FARSB: variants seen among roughly 807,000 people sequenced by gnomAD.
FARSB encodes phenylalanine--tRNA ligase beta subunit.
In FARSB, 40 loss-of-function variants were observed where a neutral mutation model predicts 69.6. The ratio of observed to expected loss-of-function variants is 0.57; its 90% CI spans 0.45 to 0.75. FARSB has a LOEUF of 0.75. FARSB is among the 30% of genes least tolerant of loss of function. The pLI is 0.00. For missense variants in FARSB, 632 were observed against 722.9 expected, an observed-to-expected ratio of 0.87 and a Z score of 1.44; for synonymous variants, 235 against 247.2, an observed-to-expected ratio of 0.95 and a Z score of 0.46.
Position 222,613,877 on chromosome 2 carries a change from G to A in FARSB, c.1396C>T (p.Arg466Cys), listed in dbSNP as rs766030802. 1.2e-5 allele frequency: 20 copies of A among 1,613,800 alleles called. No individual in the cohort carries two copies. The highest frequency in any genetic ancestry group is 2.2e-5 in the East Asian group (1 of 44,874). The part of the protein sequence containing the change: ...PGLLKTIAAN[R>C]KMPLPLKLFE... Reference sequence around the variant, plus strand: ...AGTTTCAGTGGAAGGGGCATCTTACGATTTGCTGCTATGGTCTTCAGGAGG... The same window carrying A: ...AGTTTCAGTGGAAGGGGCATCTTACAATTTGCTGCTATGGTCTTCAGGAGG... Residue 466 changes from arginine (R) to cysteine (C), a missense_variant, in exon 15 of 17, where the codon CGT becomes TGT. Arg to Cys is a radical substitution (Grantham distance 180). Coordinates refer to ENST00000281828, the MANE Select transcript of FARSB (RefSeq NM_005687.5).
chr2:222,592,121 C>T (rs562919890), intron 16 of FARSB, among the ~76,000 whole-genome samples: 2 of 152,258 alleles, frequency 1.3e-5, no homozygotes, highest in Admixed American at 6.5e-5. Context: ...GAAAGAAACT[C>T]CCAAATGGCA....
rs192114874 is a variant in FARSB at position 222,652,374 on chromosome 2, C to T, written c.59-3579G>A. ...CAAGATGGGCTCCAATAATACCGGC[C>T]TCCTGGTATTCACACCCTTGTACTG... On this transcript the variant is annotated intron_variant, in intron 1 of 16. Transcript: ENST00000281828. 5.9e-4 allele frequency among the ~76,000 whole-genome samples: 90 copies of T among 152,292 alleles called. 1 individual carries two copies. The highest frequency in any genetic ancestry group is 1.8e-4 in the Non-Finnish European group (12 of 68,024).
At chr2:222,641,099 A>C (rs1331926291) in intron 3 of FARSB, among the ~76,000 whole-genome samples, 168 bp from the exon 4 acceptor site, 7 of 151,848 alleles carry the variant, frequency 4.6e-5, no homozygotes, top group Admixed American at 1.3e-4. Flanking sequence ...AAAAAAAAAA[A>C]CTAACAAACT....
At chr2:222,575,840 G>C (rs528924213) in intron 16 of FARSB, among the ~76,000 whole-genome samples, 92 of 152,228 alleles carry the variant, frequency 6.0e-4, no homozygotes, top group African/African-American at 1.5e-3. Flanking sequence ...GAGGACCTTG[G>C]GGGTAATTCC....
At position 222,624,716 on chromosome 2, in the gene FARSB, G is replaced by A. The variant is rs1691223244; in HGVS notation, c.960C>T (p.Ile320=). 6.3e-7 allele frequency: 1 copy of A among 1,599,478 alleles called. No homozygotes were observed. The highest frequency in any genetic ancestry group is 1.3e-5 in the African/African-American group (1 of 74,396). The part of the protein sequence containing the change: ...RADLINKKVG[I]RETPENLAKL... ...TAAGTGAAGTTTTCAGAGCATACCT[G>A]ATTCCAACTTTTTTGTTAATTAGGT... Residue 320 remains isoleucine, a splice_region_variant and synonymous_variant, in exon 11 of 17, where the codon ATC becomes ATT. Coordinates refer to ENST00000281828, the MANE Select transcript of FARSB (RefSeq NM_005687.5).
chr2:222,590,484 T>C (rs1690239551), intron 16 of FARSB, among the ~76,000 whole-genome samples: 2 of 144,384 alleles, frequency 1.4e-5, no homozygotes, highest in Non-Finnish European at 3.0e-5. Flanking sequence ...CTGCACATTG[T>C]GCATATGTAC....
At position 222,656,018 on chromosome 2, in the gene FARSB, T is replaced by A. The variant is rs936327417; in HGVS notation, c.56A>T (p.Tyr19Phe). The change falls in exon 1 of 17, where the codon TAC becomes TTC. Residue 19 changes from tyrosine (Y) to phenylalanine (F), a missense_variant and splice_region_variant. Tyr to Phe is a conservative substitution (Grantham distance 22). Coordinates refer to ENST00000281828, the MANE Select transcript of FARSB (RefSeq NM_005687.5). ...CAACGTATAGGGCCGCCACTCACTG[T>A]AGGTGCGGCCCAGGGCTTGGAAGAG... ...DLLFQALGRT[Y>F]TDEEFDELCF... 1 of 1,596,186 alleles carries A rather than the reference T, an allele frequency of 6.3e-7. No individual in the cohort carries two copies. Among genetic ancestry groups the A allele is most frequent in the African/African-American group, 1.3e-5 (1 of 74,118 alleles).
In FARSB at chr2:222,579,857, A is replaced by G. The variant is rs1013261520; in HGVS notation, c.1619-7835T>C. Among the ~76,000 whole-genome samples the G allele has an allele frequency of 3.9e-5, 6 of 152,350 alleles. No individual in the cohort carries two copies. In the South Asian group the frequency reaches 6.2e-4, roughly 16 times the overall value. ...CCAAGTTTACTCTGAGGAGATTTAC[A>G]CATTCCAAAATGCTTTCACAAATTC... On this transcript the variant is annotated intron_variant, in intron 16 of 16. Transcript: ENST00000281828.
In FARSB at chr2:222,624,337, C is replaced by T; in HGVS notation, c.1105G>A (p.Ala369Thr). ...ATGTTGTTATATCCATAAGCAATAG[C>T]TGCATCTTCTACAATATCACATGCA... Reference protein sequence around the residue: ...IHACDIVEDAAIAYGYNNIQM... With the variant: ...IHACDIVEDATIAYGYNNIQM... Residue 369 changes from alanine to threonine, a missense_variant, in exon 12 of 17, where the codon GCT becomes ACT. Physicochemically the swap from Ala to Thr is moderately conservative, Grantham distance 58. Transcript: ENST00000281828. 1.9e-6 allele frequency: 3 copies of T among 1,612,280 alleles called. No individual in the cohort carries two copies. Among genetic ancestry groups the T allele is most frequent in the Non-Finnish European group, 2.5e-6 (3 of 1,178,478 alleles).
At chr2:222,572,964 A>C (rs1460439050) in intron 16 of FARSB, among the ~76,000 whole-genome samples, 1 of 152,242 alleles carries the variant, frequency 6.6e-6, no homozygotes, top group Non-Finnish European at 1.5e-5. Flanking sequence ...ATTCAACAGA[A>C]ACATTTACTG....
At chr2:222,619,140 TC>T (rs1334255091) in intron 14 of FARSB, among the ~76,000 whole-genome samples, 1 of 128,668 alleles carries the variant, frequency 7.8e-6, no homozygotes, top group Non-Finnish European at 1.7e-5. Context: ...AGACTCTGTC[TC>T]AAAAAAAAAA....
In FARSB at chr2:222,600,915, C is replaced by T. The variant is rs139000587; in HGVS notation, c.1463-832G>A. ...TTTTAAAAACTACCTATGTTGAATA[C>T]ATTCTTCACAAAGCATAAAAAAAGC... On this transcript the variant is annotated intron_variant, in intron 15 of 16. Coordinates refer to ENST00000281828, the MANE Select transcript of FARSB (RefSeq NM_005687.5). 4.6e-5 allele frequency among the ~76,000 whole-genome samples: 7 copies of T among 152,292 alleles called. No individual in the cohort carries two copies. The East Asian group carries it at 1.3e-3, about 29-fold the overall frequency.
chr2:222,630,885 G>A (rs913040405), intron 8 of FARSB, among the ~76,000 whole-genome samples: 1 of 152,070 alleles, frequency 6.6e-6, no homozygotes, highest in South Asian at 2.1e-4. Context: ...AAGTTATAAA[G>A]GAAATACCTT....
At chr2:222,575,096 G>A (rs1431245726) in intron 16 of FARSB, among the ~76,000 whole-genome samples, 1 of 152,162 alleles carries the variant, frequency 6.6e-6, no homozygotes. Context: ...AGCTGACCTG[G>A]GCAACCATTA....
chr2:222,589,045 C>A (rs1690194672), intron 16 of FARSB, among the ~76,000 whole-genome samples: 1 of 152,140 alleles, frequency 6.6e-6, no homozygotes, highest in East Asian at 1.9e-4. Flanking sequence ...AAGAGCCTGC[C>A]TTGCCAAGAC....
At chr2:222,627,013 GC>G (rs2106222358) in intron 10 of FARSB, among the ~76,000 whole-genome samples, 1 of 152,286 alleles carries the variant, frequency 6.6e-6, no homozygotes, top group Admixed American at 6.5e-5. Flanking sequence ...TCCAGCCTTG[GC>G]GACAGAGGGA....
chr2:222,626,953 G>A (rs552795515), intron 10 of FARSB, among the ~76,000 whole-genome samples: 5 of 152,158 alleles, frequency 3.3e-5, no homozygotes, highest in South Asian at 2.1e-4. Flanking sequence ...GGAGAATGGC[G>A]TGAACCCAGG....
In FARSB at chr2:222,571,802, A is replaced by G. The variant is rs1371312784; in HGVS notation, c.*69T>C. On this transcript the variant is annotated 3_prime_UTR_variant, in exon 17 of 17. Transcript: ENST00000281828. ...CCCAAATAGATGTTCCCTGTGGAGG[A>G]GGACTTAAGGACACTAGGGGAGGAG... The G allele has an allele frequency of 1.5e-6, 2 of 1,311,790 alleles. No individual in the cohort carries two copies. The highest frequency in any genetic ancestry group is 2.2e-5 in the Admixed American group (1 of 46,184). The allele number at this position is 1,311,790 out of a possible 1,614,324, so 81.3% of individuals were successfully genotyped here.
Position 222,639,645 on chromosome 2 carries a change from C to G in FARSB, c.390G>C (p.Lys130Asn). 1.3e-6 allele frequency: 2 copies of G among 1,594,936 alleles called. No homozygotes were observed. Among genetic ancestry groups the G allele is most frequent in the Non-Finnish European group, 1.7e-6 (2 of 1,169,126 alleles). ...FAVAAVLRNI[K>N]FTKDRYDSFI... Reference sequence around the variant, plus strand: ...AGCTGTCATATCGATCTTTAGTAAACTTTATATTACGGAGAACTGCTGCTA... The same window carrying G: ...AGCTGTCATATCGATCTTTAGTAAAGTTTATATTACGGAGAACTGCTGCTA... Residue 130 changes from lysine (K) to asparagine (N), a missense_variant, in exon 5 of 17, where the codon AAG becomes AAC. Transcript: ENST00000281828.
Sources: gnomAD v4.1 joint callset for allele counts (sites outside exome capture counted in the v4.1 genomes callset) on GRCh38, gnomAD v4.1.1 for gene constraint, MANE v1.5 for transcripts, NCBI Gene and HGNC (gene_info 2026-07-23, HGNC 2026-07-21) for gene names.